Variants in TRPM3 observed in about 807,000 individuals in gnomAD.
TRPM3 encodes the protein transient receptor potential cation channel subfamily M member 3.
A neutral mutation model predicts 181.2 loss-of-function variants in TRPM3; 77 were observed. The observed-to-expected ratio is 0.42, with a 90% confidence interval of 0.35 to 0.51. The LOEUF (loss-of-function observed/expected upper bound fraction) is 0.51, where lower values mean the gene tolerates loss of function less well. TRPM3 is among the 20% of genes least tolerant of loss of function. The pLI is 0.01. For missense variants in TRPM3, 1,759 were observed against 2,196.7 expected, an observed-to-expected ratio of 0.80 and a Z score of 3.98; for synonymous variants, 745 against 796.4, an observed-to-expected ratio of 0.94 and a Z score of 1.09.
intron 25 of TRPM3, among the ~76,000 whole-genome samples, chr9:70,542,327 A>G (rs2043631809): frequency 1.3e-5 from 2 of 152,218 alleles, no homozygotes; most frequent in Non-Finnish European, 2.9e-5. Flanking sequence ...CTAAGAAAAA[A>G]AGAGGCACTG....
intron 1 of TRPM3, among the ~76,000 whole-genome samples, chr9:71,298,411 A>T (rs1332692379): frequency 3.3e-5 from 5 of 152,088 alleles, no homozygotes; most frequent in Non-Finnish European, 7.4e-5. Flanking sequence ...GTAAAAGCTG[A>T]TTAAAATCTG....
chr9:71,330,055 TCA>T (rs1447015906), intron 1 of TRPM3, among the ~76,000 whole-genome samples: 1 of 148,534 alleles, frequency 6.7e-6, no homozygotes, highest in Non-Finnish European at 1.5e-5. Context: ...CCACTAGAAA[TCA>T]CAGTCTGGTA....
At chr9:71,246,905 T>G (rs1050589697) in intron 1 of TRPM3, among the ~76,000 whole-genome samples, 1 of 152,198 alleles carries the variant, frequency 6.6e-6, no homozygotes, top group African/African-American at 2.4e-5. Flanking sequence ...TACTGAAAGG[T>G]TACCTCTCAG....
chr9:70,653,880 A>G (rs367549824), intron 9 of TRPM3, among the ~76,000 whole-genome samples: 2 of 152,202 alleles, frequency 1.3e-5, no homozygotes, highest in African/African-American at 4.8e-5. Flanking sequence ...GTGGAGTTTC[A>G]AGAGTCATGG....
intron 1 of TRPM3, among the ~76,000 whole-genome samples, chr9:71,251,303 C>G (rs537617788): frequency 3.9e-4 from 59 of 152,130 alleles, no homozygotes; most frequent in South Asian, 2.5e-3. Context: ...TAATTCTTCA[C>G]TTCCTCATGT....
At chr9:71,047,907 G>T (rs1402974762) in intron 1 of TRPM3, among the ~76,000 whole-genome samples, 1 of 151,446 alleles carries the variant, frequency 6.6e-6, no homozygotes, top group Non-Finnish European at 1.5e-5. Context: ...CAGAGTCTTT[G>T]ATTCTCTCAT....
chr9:71,400,575 ATTCT>A (rs1483603274), intron 1 of TRPM3, among the ~76,000 whole-genome samples: 4 of 152,118 alleles, frequency 2.6e-5, no homozygotes, highest in Non-Finnish European at 5.9e-5. Flanking sequence ...AAGTATTTTT[ATTCT>A]TTAATTTTTA....
In TRPM3 at chr9:70,885,898, C is replaced by T. The variant is rs144760740; in HGVS notation, c.178-21387G>A. 4.9e-3 allele frequency among the ~76,000 whole-genome samples: 740 copies of T among 152,294 alleles called. 4 individuals are homozygous for T. Among genetic ancestry groups the T allele is most frequent in the Middle Eastern group, 0.014 (4 of 294 alleles). ...TCTCTGGTACTTAGCATAGAAACAG[C>T]ACAAATTGCCCTTAATAATACAAAG... On this transcript the variant is annotated intron_variant, in intron 1 of 25. Transcript: ENST00000677713.
intron 19 of TRPM3, among the ~76,000 whole-genome samples, chr9:70,604,770 C>G (rs2060704442): frequency 6.6e-6 from 1 of 151,648 alleles, no homozygotes; most frequent in Non-Finnish European, 1.5e-5. Context: ...CTTCAGCCTC[C>G]TGGGTAGCTG....
At chr9:71,090,971 G>A (rs764934071) in intron 1 of TRPM3, among the ~76,000 whole-genome samples, 1 of 151,984 alleles carries the variant, frequency 6.6e-6, no homozygotes, top group Non-Finnish European at 1.5e-5. Context: ...ATCCACAGTA[G>A]GACATTTTTC....
intron 1 of TRPM3, among the ~76,000 whole-genome samples, chr9:71,135,650 A>G (rs2074718021): frequency 6.6e-6 from 1 of 152,210 alleles, no homozygotes; most frequent in Non-Finnish European, 1.5e-5. Context: ...ATGCAACAAG[A>G]AAACCTAGGA....
At chr9:70,791,875 C>A (rs2085503378) in intron 6 of TRPM3, among the ~76,000 whole-genome samples, 2 of 152,104 alleles carry the variant, frequency 1.3e-5, no homozygotes, top group South Asian at 4.1e-4. Context: ...ATTCTCAGTG[C>A]TCGAGGCATT....
intron 1 of TRPM3, among the ~76,000 whole-genome samples, chr9:70,883,926 A>G (rs533740869): frequency 9.2e-5 from 14 of 152,334 alleles, no homozygotes; most frequent in African/African-American, 3.4e-4. Context: ...TTGCAAGACA[A>G]GTACAGAGGC....
At chr9:70,965,330 T>A (rs1466672877) in intron 1 of TRPM3, among the ~76,000 whole-genome samples, 1 of 152,112 alleles carries the variant, frequency 6.6e-6, no homozygotes, top group African/African-American at 2.4e-5. Context: ...ATAAGTAATG[T>A]GCTAAGTTTA....
chr9:70,901,598 A>G (rs2096387637), intron 1 of TRPM3, among the ~76,000 whole-genome samples: 1 of 152,246 alleles, frequency 6.6e-6, no homozygotes, highest in Non-Finnish European at 1.5e-5. Context: ...AATTCAATAA[A>G]TATATTTCCA....
intron 8 of TRPM3, among the ~76,000 whole-genome samples, chr9:70,750,456 G>A (rs1818889557): frequency 6.6e-6 from 1 of 152,162 alleles, no homozygotes; most frequent in Non-Finnish European, 1.5e-5. Context: ...AGTCAGGCCT[G>A]GGCCTCAAGC....
intron 6 of TRPM3, among the ~76,000 whole-genome samples, chr9:70,805,994 G>A (rs1028241426): frequency 6.6e-6 from 1 of 152,174 alleles, no homozygotes; most frequent in East Asian, 1.9e-4. Context: ...GACCAGAAAA[G>A]CTGACTCTTC....
In TRPM3 at chr9:70,535,617, C is replaced by A; in HGVS notation, c.*336G>T. On this transcript the variant is annotated 3_prime_UTR_variant, in exon 26 of 26. Coordinates refer to ENST00000677713, the MANE Select transcript of TRPM3 (RefSeq NM_001366145.2). ...TCAACAGATGCCTCCTGGCATGGAG[C>A]GTGCTCGAAGCCCCTTGTTTCCCCT... is the stretch of plus-strand genomic sequence containing the variant. The A allele has an allele frequency of 6.8e-7, 1 of 1,465,910 alleles. No individual in the cohort carries two copies. Among genetic ancestry groups the A allele is most frequent in the Non-Finnish European group, 9.0e-7 (1 of 1,115,494 alleles). The allele number at this position is 1,465,910 out of a possible 1,614,324, so 90.8% of individuals were successfully genotyped here.
intron 8 of TRPM3, among the ~76,000 whole-genome samples, chr9:70,689,203 GTGGGC>G (rs889900678): frequency 5.9e-5 from 9 of 152,152 alleles, no homozygotes; most frequent in Middle Eastern, 3.2e-3. Context: ...GGGATAGAAA[GTGGGC>G]TGCCTCAGGT....
Sources: allele counts gnomAD v4.1 joint callset (sites outside exome capture counted in the v4.1 genomes callset), GRCh38; gene constraint gnomAD v4.1.1; transcripts MANE v1.5; gene names NCBI Gene and HGNC (gene_info 2026-07-23, HGNC 2026-07-21).